Variants in ASIC2 observed in about 807,000 individuals in gnomAD.
ASIC2 encodes the protein acid-sensing ion channel 2.
Under a neutral mutation model 57.3 loss-of-function variants are expected in ASIC2, and 25 were observed. That is an observed-to-expected ratio of 0.44 (90% confidence interval 0.32 to 0.61). ASIC2 has a LOEUF of 0.61. Among genes scored for constraint, ASIC2 ranks in the 20% least tolerant of loss-of-function variants. ASIC2 has a pLI of 0.06. For missense variants in ASIC2, 641 were observed against 738.1 expected, an observed-to-expected ratio of 0.87 and a Z score of 1.52; for synonymous variants, 319 against 307.5, an observed-to-expected ratio of 1.04 and a Z score of -0.39.
intron 1 of ASIC2, among the ~76,000 whole-genome samples, chr17:33,576,728 C>T (rs1916634874): frequency 1.3e-5 from 2 of 152,060 alleles, no homozygotes; most frequent in Admixed American, 1.3e-4. Flanking sequence ...ATGTTTTCTC[C>T]TTACTCCCTA....
intron 1 of ASIC2, among the ~76,000 whole-genome samples, chr17:33,941,275 A>T (rs1010870769): frequency 1.3e-5 from 2 of 152,170 alleles, no homozygotes; most frequent in Admixed American, 1.3e-4. Context: ...AGTCTTTCAG[A>T]TCATCCCTCT....
intron 1 of ASIC2, among the ~76,000 whole-genome samples, chr17:33,561,721 C>G (rs1369110): frequency 0.099 from 15,130 of 152,160 alleles, 1,960 homozygotes; most frequent in African/African-American, 0.3. Flanking sequence ...GAAGAGCAGG[C>G]AGGAGCCTGG....
intron 1 of ASIC2, among the ~76,000 whole-genome samples, chr17:33,423,926 C>T (rs567578560): frequency 2.6e-5 from 4 of 152,318 alleles, no homozygotes; most frequent in South Asian, 4.1e-4. Context: ...TGCTGTGTGG[C>T]TTTGGACAAG....
intron 1 of ASIC2, among the ~76,000 whole-genome samples, chr17:33,685,383 A>C (rs984106154): frequency 1.3e-5 from 2 of 152,088 alleles, no homozygotes; most frequent in African/African-American, 4.8e-5. Context: ...CAACAGCCAG[A>C]AGGCTTCTGT....
At chr17:33,118,067 A>G (rs1200264035) in intron 1 of ASIC2, among the ~76,000 whole-genome samples, 4 of 152,190 alleles carry the variant, frequency 2.6e-5, no homozygotes, top group African/African-American at 7.2e-5. Flanking sequence ...AGAAAGGGAG[A>G]TGCTTCCATG....
chr17:33,425,660 A>G (rs1911193349), intron 1 of ASIC2, among the ~76,000 whole-genome samples: 1 of 152,138 alleles, frequency 6.6e-6, no homozygotes. Context: ...GGGAAGGTTG[A>G]GAAAACAGAA....
At chr17:33,439,978 C>A (rs1014758086) in intron 1 of ASIC2, among the ~76,000 whole-genome samples, 1 of 152,144 alleles carries the variant, frequency 6.6e-6, no homozygotes, top group African/African-American at 2.4e-5. Context: ...TTCGGGGAGG[C>A]TTTAGGCTTC....
intron 1 of ASIC2, among the ~76,000 whole-genome samples, chr17:33,145,539 G>A (rs1251649259): frequency 6.6e-6 from 1 of 152,202 alleles, no homozygotes; most frequent in Admixed American, 6.5e-5. Flanking sequence ...CTCTCTTTTG[G>A]CTTTTTCAGA....
rs553855625 is a variant in ASIC2 at position 33,550,678 on chromosome 17, G to C, written c.556-438611C>G. 5.3e-5 allele frequency among the ~76,000 whole-genome samples: 8 copies of C among 152,332 alleles called. No individual in the cohort carries two copies. In the East Asian group the frequency reaches 1.5e-3, roughly 29 times the overall value. On this transcript the variant is annotated intron_variant, in intron 1 of 9. Coordinates refer to the ASIC2 transcript ENST00000359872. ...ATTGCATCCCTTGTAATCTAATGGAGAGAATATTAGCAAGAGGTATGATGA... is the reference window on the plus strand; with the variant it reads ...ATTGCATCCCTTGTAATCTAATGGACAGAATATTAGCAAGAGGTATGATGA...
At chr17:34,152,067 G>T (rs533892140) in intron 1 of ASIC2, among the ~76,000 whole-genome samples, 1 of 152,040 alleles carries the variant, frequency 6.6e-6, no homozygotes, top group East Asian at 1.9e-4. Flanking sequence ...GGACCCATTT[G>T]GCCTTGTGCA....
rs2141908313 is a variant in ASIC2, at chr17:33,841,316, T to C, written c.555+314662A>G. On this transcript the variant is annotated intron_variant, in intron 1 of 9. Transcript: ENST00000359872. ...TGCTGGTTGTTTTGGGGAAGTGCTA[T>C]GAGAGACTGAAAAGGCTAGTGGGAG... is the stretch of plus-strand genomic sequence containing the variant. 2.0e-5 allele frequency among the ~76,000 whole-genome samples: 3 copies of C among 152,340 alleles called. No homozygotes were observed. The Middle Eastern group carries it at 0.01, about 518-fold the overall frequency.
intron 1 of ASIC2, among the ~76,000 whole-genome samples, chr17:33,374,766 T>C (rs1037319416): frequency 5.9e-5 from 9 of 152,166 alleles, no homozygotes; most frequent in Admixed American, 1.3e-4. Context: ...ATGTTTCCAC[T>C]TGGCACCCAC....
intron 1 of ASIC2, among the ~76,000 whole-genome samples, chr17:33,416,290 G>A (rs1910838139): frequency 6.6e-6 from 1 of 152,166 alleles, no homozygotes; most frequent in Non-Finnish European, 1.5e-5. Flanking sequence ...TTTTATCATT[G>A]TCTTCCCTCA....
chr17:33,400,524 C>G (rs1479324991), intron 1 of ASIC2, among the ~76,000 whole-genome samples: 1 of 152,116 alleles, frequency 6.6e-6, no homozygotes, highest in Non-Finnish European at 1.5e-5. Context: ...CTACTCCCTT[C>G]TTGAAGTATA....
chr17:33,208,830 T>C (rs919506850), intron 1 of ASIC2, among the ~76,000 whole-genome samples: 1 of 151,994 alleles, frequency 6.6e-6, no homozygotes, highest in African/African-American at 2.4e-5. Flanking sequence ...ATGGAAAAAA[T>C]GAAGGATAAG....
chr17:33,347,671 A>T (rs431564), intron 1 of ASIC2, among the ~76,000 whole-genome samples: 29,713 of 152,042 alleles, frequency 0.2, 3,119 homozygotes, highest in African/African-American at 0.28. Flanking sequence ...GAAACATCGA[A>T]GGAGGGTGGG....
At chr17:34,075,289 C>T (rs900039940) in intron 1 of ASIC2, among the ~76,000 whole-genome samples, 2 of 152,100 alleles carry the variant, frequency 1.3e-5, no homozygotes, top group East Asian at 1.9e-4. Flanking sequence ...ATGGCTCTGA[C>T]GCAGATCATA....
At chr17:34,030,822 T>G (rs1042180515) in intron 1 of ASIC2, among the ~76,000 whole-genome samples, 1 of 152,178 alleles carries the variant, frequency 6.6e-6, no homozygotes, top group South Asian at 2.1e-4. Context: ...GCACCCGCAA[T>G]TGCCCAGTTA....
At chr17:33,264,895 G>C (rs1360835849) in intron 1 of ASIC2, among the ~76,000 whole-genome samples, 1 of 152,238 alleles carries the variant, frequency 6.6e-6, no homozygotes, top group East Asian at 1.9e-4. Flanking sequence ...CATGTGTTGG[G>C]GGAAAACAAA....
Sources: allele counts gnomAD v4.1 joint callset (sites outside exome capture counted in the v4.1 genomes callset), GRCh38; gene constraint gnomAD v4.1.1; transcripts MANE v1.5; gene names NCBI Gene and HGNC (gene_info 2026-07-23, HGNC 2026-07-21).